The following RFC3 variants were observed in gnomAD, a reference collection of about 807,000 sequenced individuals.
RFC3 encodes the protein A1 38 kDa subunit.
Under a neutral mutation model 45.1 loss-of-function variants are expected in RFC3, and 41 were observed. That is an observed-to-expected ratio of 0.91 (90% CI 0.71 to 1.18). RFC3 has a LOEUF of 1.18. Ranked by LOEUF, RFC3 falls within the 50% of genes most tolerant of loss-of-function variation. The pLI is 0.00. For synonymous variants in RFC3, 149 were observed against 144.0 expected, an observed-to-expected ratio of 1.03 and a Z score of -0.25; for missense variants, 423 against 428.1, an observed-to-expected ratio of 0.99 and a Z score of 0.10.
intron 8 of RFC3, among the ~76,000 whole-genome samples, chr13:33,940,574 A>G (rs2082916816): frequency 1.3e-5 from 2 of 152,146 alleles, no homozygotes; most frequent in Non-Finnish European, 2.9e-5. Context: ...TGTCATAGCC[A>G]TTATCTTACT....
chr13:33,841,187 A>G (rs1384310979), downstream of RFC3, among the ~76,000 whole-genome samples: 1 of 152,180 alleles, frequency 6.6e-6, no homozygotes, highest in Non-Finnish European at 1.5e-5. Context: ...TCTGAGATGG[A>G]ACAGTTTCAT....
chr13:33,835,406 C>T (rs1488410984), intron 8 of RFC3, 189 bp downstream of exon 8: 1 of 732,120 alleles, frequency 1.4e-6, no homozygotes, highest in Non-Finnish European at 2.5e-6. Flanking sequence ...AAGGGAGGGC[C>T]TGCCTAAAGT....
At chr13:33,854,065 G>T (rs2082294086) in intron 8 of RFC3, among the ~76,000 whole-genome samples, 1 of 152,218 alleles carries the variant, frequency 6.6e-6, no homozygotes. Context: ...GAAGGTAGTA[G>T]AAAGATACGA....
chr13:33,895,745 G>A (rs1566019963), intron 8 of RFC3, among the ~76,000 whole-genome samples: 1 of 152,076 alleles, frequency 6.6e-6, no homozygotes, highest in Non-Finnish European at 1.5e-5. Context: ...GCAAAGACAT[G>A]GAACCAACCT....
At chr13:33,844,880 T>A (rs1157058958) in intron 8 of RFC3, among the ~76,000 whole-genome samples, 3 of 152,214 alleles carry the variant, frequency 2.0e-5, no homozygotes, top group Admixed American at 2.0e-4. Flanking sequence ...GTGAGTCTTG[T>A]ACCTTCAGAT....
chr13:33,890,284 A>G (rs1285341017), intron 8 of RFC3, among the ~76,000 whole-genome samples: 1 of 152,160 alleles, frequency 6.6e-6, no homozygotes, highest in Non-Finnish European at 1.5e-5. Context: ...GCCAGAGCCT[A>G]CACCAATTTT....
At chr13:33,910,193 A>G (rs1051058022) in intron 8 of RFC3, among the ~76,000 whole-genome samples, 1 of 152,082 alleles carries the variant, frequency 6.6e-6, no homozygotes, top group African/African-American at 2.4e-5. Flanking sequence ...GGTTCTGGGC[A>G]TGTATTAGTA....
intron 8 of RFC3, among the ~76,000 whole-genome samples, chr13:33,935,108 TTATAA>T (rs1459560029): frequency 1.2e-4 from 19 of 152,174 alleles, no homozygotes; most frequent in South Asian, 1.0e-3. Flanking sequence ...CTTTGAAATG[TTATAA>T]TATATTATTT....
exon 9 of RFC3, chr13:33,966,313 C>T: frequency 3.3e-6 from 2 of 609,820 alleles, no homozygotes; most frequent in Non-Finnish European, 5.9e-6. Context: ...GTTAGGTCCA[C>T]CTGCTAATCA....
intron 8 of RFC3, among the ~76,000 whole-genome samples, chr13:33,861,276 C>T (rs116761996): frequency 0.012 from 1,768 of 152,202 alleles, 38 homozygotes; most frequent in African/African-American, 0.041. Context: ...TTAATAATAT[C>T]GGTAAAGTGA....
At chr13:33,846,055 T>C (rs1047629878) in intron 8 of RFC3, 2 of 152,214 alleles carry the variant, frequency 1.3e-5, no homozygotes, top group Non-Finnish European at 2.9e-5. Flanking sequence ...TTGGGTAAGA[T>C]ACAAGAGAAT....
At chr13:33,959,938 A>G (rs986894904) in intron 8 of RFC3, among the ~76,000 whole-genome samples, 3 of 152,190 alleles carry the variant, frequency 2.0e-5, no homozygotes, top group Non-Finnish European at 4.4e-5. Flanking sequence ...GGTTTTACTC[A>G]TCGCAGAAAG....
intron 8 of RFC3, among the ~76,000 whole-genome samples, chr13:33,914,865 T>C (rs2082723958): frequency 6.6e-6 from 1 of 152,118 alleles, no homozygotes; most frequent in Non-Finnish European, 1.5e-5. Context: ...AGAATAAGTA[T>C]AAAATAGGAA....
Position 33,869,394 on chromosome 13 carries a change from A to ATT in RFC3, c.879+34187_879+34188dup, listed in dbSNP as rs11402336. ...GAGAGATGTATAAAAAACTGTGTAG[A>ATT]TTTTTTTTTTTAGGGGTAGGGGGCA... On this transcript the variant is annotated intron_variant, in intron 8 of 8. Transcript: ENST00000434425. Among the ~76,000 whole-genome samples, 558 of 148,468 alleles carry ATT rather than the reference A, an allele frequency of 3.8e-3. 6 individuals are homozygous for ATT. The highest frequency in any genetic ancestry group is 0.01 in the African/African-American group (408 of 40,680).
chr13:33,880,853 C>T (rs1278587143), intron 8 of RFC3, among the ~76,000 whole-genome samples: 2 of 152,024 alleles, frequency 1.3e-5, no homozygotes, highest in African/African-American at 2.4e-5. Flanking sequence ...GTCAGGAGTT[C>T]GAGACCAGCC....
rs143946288 is a variant in RFC3, at chr13:33,929,942, A to G, written c.880-36145A>G. On this transcript the variant is annotated intron_variant, in intron 8 of 8. Transcript: ENST00000434425. The stretch of plus-strand genomic sequence containing the variant: ...AAAGATTAAGCATTTTAAAGTTCTT[A>G]ATGTAGCTTGCCAACTTTCCTTTTG... Among the ~76,000 whole-genome samples the G allele has an allele frequency of 7.8e-3, 1,186 of 152,216 alleles. 12 individuals are homozygous for G. The highest frequency in any genetic ancestry group is 0.013 in the Admixed American group (205 of 15,284).
intron 8 of RFC3, among the ~76,000 whole-genome samples, chr13:33,954,217 G>A (rs908592098): frequency 2.6e-5 from 4 of 152,096 alleles, no homozygotes; most frequent in African/African-American, 9.7e-5. Flanking sequence ...AGATTTTGGG[G>A]GAAAAGAATG....
In RFC3 at chr13:33,843,233, A is replaced by G. The variant is rs568044361; in HGVS notation, c.879+8016A>G. 4.7e-5 allele frequency among the ~76,000 whole-genome samples: 7 copies of G among 148,684 alleles called. No homozygotes were observed. The South Asian group carries it at 8.5e-4, about 18-fold the overall frequency. On this transcript the variant is annotated intron_variant, in intron 8 of 8. Transcript: ENST00000434425. ...TTTTTTTTTCCTGTTTACAATTTCTATGGAAATTTGGAGCATTATCACAAG... is the reference window on the plus strand; with the variant it reads ...TTTTTTTTTCCTGTTTACAATTTCTGTGGAAATTTGGAGCATTATCACAAG...
At chr13:33,954,056 A>G (rs2083006361) in intron 8 of RFC3, among the ~76,000 whole-genome samples, 1 of 152,230 alleles carries the variant, frequency 6.6e-6, no homozygotes, top group African/African-American at 2.4e-5. Context: ...CTAAGAAAAT[A>G]GTTTAAAATT....
Sources: allele counts gnomAD v4.1 joint callset (sites outside exome capture counted in the v4.1 genomes callset), GRCh38; gene constraint gnomAD v4.1.1; transcripts MANE v1.5; gene names NCBI Gene and HGNC (gene_info 2026-07-23, HGNC 2026-07-21).